Variants in FHIT observed in about 807,000 individuals in gnomAD.
FHIT encodes fragile histidine triad diadenosine triphosphatase.
A neutral mutation model predicts 17.9 loss-of-function variants in FHIT; 19 were observed. The observed-to-expected ratio is 1.06, with a 90% CI of 0.74 to 1.56. FHIT has a LOEUF of 1.56. FHIT is among the 40% of genes most tolerant of loss of function. The probability of loss-of-function intolerance (pLI) is 0.00; values close to 1 mark genes in which losing one functional copy is unlikely to be tolerated. For synonymous variants in FHIT, 81 were observed against 69.7 expected, an observed-to-expected ratio of 1.16 and a Z score of -0.81; for missense variants, 248 against 189.2, an observed-to-expected ratio of 1.31 and a Z score of -1.82.
rs369977423 is a variant in FHIT, at chr3:59,890,975, A to C, written c.348+31371T>G. Among the ~76,000 whole-genome samples the C allele has an allele frequency of 5.9e-5, 9 of 152,318 alleles. No homozygotes were observed. In the East Asian group the frequency reaches 1.7e-3, roughly 29 times the overall value. ...AAGAGATGGCCCTAAGTTAATCAGC[A>C]CACTGCATTAGGTGGCTGCTATCAA... On this transcript the variant is annotated intron_variant, in intron 8 of 9. Coordinates refer to ENST00000492590, the MANE Select transcript of FHIT (RefSeq NM_002012.4).
intron 5 of FHIT, among the ~76,000 whole-genome samples, chr3:60,104,669 T>A (rs1704334329): frequency 6.6e-6 from 1 of 152,076 alleles, no homozygotes; most frequent in Non-Finnish European, 1.5e-5. Flanking sequence ...TTAATGGCCT[T>A]AGAGAAGGTG....
At chr3:60,316,453 C>T (rs1228932821) in intron 5 of FHIT, among the ~76,000 whole-genome samples, 1 of 152,126 alleles carries the variant, frequency 6.6e-6, no homozygotes, top group African/African-American at 2.4e-5. Context: ...ATTCATTAAG[C>T]ATTTAGGACA....
intron 1 of FHIT, among the ~76,000 whole-genome samples, chr3:61,211,091 A>T (rs995166876): frequency 6.6e-6 from 1 of 151,828 alleles, no homozygotes; most frequent in African/African-American, 2.4e-5. Flanking sequence ...AAGAAGGGTG[A>T]TTTCTGCATT....
intron 4 of FHIT, among the ~76,000 whole-genome samples, chr3:60,736,878 T>C (rs990562910): frequency 1.3e-5 from 2 of 152,174 alleles, no homozygotes; most frequent in East Asian, 3.9e-4. Flanking sequence ...AAGAAATCCA[T>C]GATGATAACA....
At chr3:59,755,259 G>A (rs1004876256) in intron 8 of FHIT, among the ~76,000 whole-genome samples, 6 of 152,176 alleles carry the variant, frequency 3.9e-5, no homozygotes, top group African/African-American at 1.2e-4. Context: ...ACTAACATGC[G>A]GATGCAGTTC....
chr3:60,382,294 A>G (rs112546362), intron 5 of FHIT, among the ~76,000 whole-genome samples: 188 of 152,380 alleles, frequency 1.2e-3, no homozygotes, highest in Admixed American at 3.8e-3. Flanking sequence ...TTGCATTAGC[A>G]GCAGTATAAA....
In FHIT at chr3:60,383,975, T is replaced by A. The variant is rs115219492; in HGVS notation, c.103+152885A>T. Reference sequence around the variant, plus strand: ...TGTTTATGTCAAAAATCAGCTTAAATTTTTGGAGATAGGACAGGCGCAGGT... The same window carrying A: ...TGTTTATGTCAAAAATCAGCTTAAAATTTTGGAGATAGGACAGGCGCAGGT... On this transcript the variant is annotated intron_variant, in intron 5 of 9. Transcript: ENST00000492590. Among the ~76,000 whole-genome samples the A allele has an allele frequency of 8.5e-3, 1,299 of 152,248 alleles. 23 individuals carry two copies. The highest frequency in any genetic ancestry group is 0.03 in the African/African-American group (1,255 of 41,542).
chr3:60,059,144 T>C (rs1702203136), intron 5 of FHIT, among the ~76,000 whole-genome samples: 1 of 152,180 alleles, frequency 6.6e-6, no homozygotes, highest in African/African-American at 2.4e-5. Flanking sequence ...TTTAAAATAA[T>C]AATTTGTCAC....
chr3:59,961,801 G>A (rs961156609), intron 7 of FHIT, among the ~76,000 whole-genome samples: 3 of 152,218 alleles, frequency 2.0e-5, no homozygotes, highest in African/African-American at 7.2e-5. Context: ...AATGCAGAAA[G>A]CACCTGCCTT....
intron 4 of FHIT, among the ~76,000 whole-genome samples, chr3:60,569,755 A>AT (rs1553654909): frequency 4.0e-4 from 31 of 77,316 alleles, no homozygotes; most frequent in African/African-American, 1.1e-3. Flanking sequence ...ATATATATAT[A>AT]TTTTTTTTTT....
intron 2 of FHIT, among the ~76,000 whole-genome samples, chr3:61,175,191 A>G (rs1457386857): frequency 1.3e-5 from 2 of 152,084 alleles, no homozygotes; most frequent in Non-Finnish European, 2.9e-5. Flanking sequence ...TTAAAAAACA[A>G]TAACAAAAAA....
chr3:60,095,276 A>C (rs1037319174), intron 5 of FHIT, among the ~76,000 whole-genome samples: 2 of 152,198 alleles, frequency 1.3e-5, no homozygotes, highest in Non-Finnish European at 2.9e-5. Context: ...TTTAACACCC[A>C]AATGAAACAG....
rs759645654 is a variant in FHIT, at chr3:60,129,049, G to GTTGTTTTTTTT, written c.104-114898_104-114897insAAAAAAAACAA. Among the ~76,000 whole-genome samples, 149 of 121,008 alleles carry GTTGTTTTTTTT rather than the reference G, an allele frequency of 1.2e-3. 2 individuals carry two copies. Among genetic ancestry groups the GTTGTTTTTTTT allele is most frequent in the Admixed American group, 3.8e-3 (43 of 11,334 alleles). The allele number at this position is 121,008 out of a possible 152,430, so 79.4% of individuals were successfully genotyped here. ...TTTCCCTTTTCTTCTTTCCTTTTTT[G>GTTGTTTTTTTT]TTTGTTTTTTTTTTTTTTTTTGAAA... On this transcript the variant is annotated intron_variant, in intron 5 of 9. Coordinates refer to ENST00000492590, the MANE Select transcript of FHIT (RefSeq NM_002012.4).
chr3:60,466,773 AT>A (rs2032817028), intron 5 of FHIT, among the ~76,000 whole-genome samples: 1 of 136,770 alleles, frequency 7.3e-6, no homozygotes, highest in African/African-American at 2.7e-5. Flanking sequence ...GTTTGTTAGT[AT>A]TTTGTTGAGG....
At chr3:60,582,104 G>T (rs2037766093) in intron 4 of FHIT, among the ~76,000 whole-genome samples, 1 of 152,080 alleles carries the variant, frequency 6.6e-6, no homozygotes, top group Admixed American at 6.6e-5. Context: ...TTGGAATCAA[G>T]TGTGTAGAGG....
intron 2 of FHIT, among the ~76,000 whole-genome samples, chr3:61,126,294 A>C (rs1044016476): frequency 6.6e-6 from 1 of 152,164 alleles, no homozygotes; most frequent in Non-Finnish European, 1.5e-5. Context: ...TCTTCTTTGT[A>C]GTTGAGAGAG....
At chr3:60,011,829 T>A (rs1447399970) in intron 6 of FHIT, among the ~76,000 whole-genome samples, 3 of 152,190 alleles carry the variant, frequency 2.0e-5, no homozygotes, top group African/African-American at 7.2e-5. Context: ...TATGGGGTAT[T>A]TCATATGGGA....
At chr3:59,970,487 C>T (rs1029338234) in intron 7 of FHIT, among the ~76,000 whole-genome samples, 5 of 152,040 alleles carry the variant, frequency 3.3e-5, no homozygotes, top group Non-Finnish European at 7.4e-5. Flanking sequence ...CTTTCAAAGA[C>T]AAGCTGACAA....
At chr3:61,204,508 A>G (rs6772308) in intron 1 of FHIT, among the ~76,000 whole-genome samples, 5,958 of 152,282 alleles carry the variant, frequency 0.039, 169 homozygotes, top group African/African-American at 0.072. Context: ...TCTATACAAC[A>G]TTGAAATGGA....
Sources: allele counts gnomAD v4.1 joint callset (sites outside exome capture counted in the v4.1 genomes callset), GRCh38; gene constraint gnomAD v4.1.1; transcripts MANE v1.5; gene names NCBI Gene and HGNC (gene_info 2026-07-23, HGNC 2026-07-21).